The following FAAH2 variants were observed in gnomAD, a reference collection of about 807,000 sequenced individuals.
FAAH2 encodes the protein fatty acid amide hydrolase 2, also known as fatty-acid amide hydrolase 2.
FAAH2 carries 60 observed loss-of-function variants against 36.9 expected under a neutral mutation model. That is an observed-to-expected ratio of 1.63 (90% CI 1.32 to 2.02). The LOEUF (loss-of-function observed/expected upper bound fraction) is 2.02. Among genes scored for constraint, FAAH2 ranks in the 30% most tolerant of loss-of-function variants. The pLI, the probability that FAAH2 is intolerant of heterozygous loss-of-function variation, is 0.00. For synonymous variants in FAAH2, 214 were observed against 143.8 expected, an observed-to-expected ratio of 1.49 and a Z score of -3.49; for missense variants, 689 against 397.5, an observed-to-expected ratio of 1.73 and a Z score of -6.23.
chrX:57,343,682 A>G (rs2053747474), intron 5 of FAAH2, among the ~76,000 whole-genome samples: 2 of 111,508 alleles, frequency 1.8e-5, no homozygotes, highest in African/African-American at 6.5e-5. Context: ...GCCATAAATT[A>G]TTTGCTAGTC....
chrX:57,132,984 G>A, the FAAH2 span, among the ~76,000 whole-genome samples: 129 of 111,630 alleles, frequency 1.2e-3, no homozygotes, highest in Non-Finnish European at 2.1e-3. Flanking sequence ...AGCACATGCT[G>A]TCCCTCCATC....
chrX:57,187,182 T>G, the FAAH2 span, among the ~76,000 whole-genome samples: 1 of 112,082 alleles, frequency 8.9e-6, no homozygotes, highest in Admixed American at 9.5e-5. Context: ...CAATATTGAT[T>G]GTTTCTATCC....
the FAAH2 span, among the ~76,000 whole-genome samples, chrX:57,217,049 G>A: frequency 2.7e-5 from 3 of 111,048 alleles, no homozygotes; most frequent in South Asian, 1.1e-3. Flanking sequence ...ATTTTTTCAT[G>A]TGTTTGTTGG....
the FAAH2 span, among the ~76,000 whole-genome samples, chrX:57,168,196 A>T: frequency 1.5e-4 from 17 of 111,089 alleles, no homozygotes; most frequent in East Asian, 4.8e-3. Context: ...CACTTACAAG[A>T]TGCTCCAGTC....
chrX:57,291,702 G>A (rs1412160089), intron 1 of FAAH2, among the ~76,000 whole-genome samples: 1 of 109,326 alleles, frequency 9.1e-6, no homozygotes, highest in South Asian at 3.9e-4. Flanking sequence ...ATTACTTGGG[G>A]GTTCTGTTTT....
the FAAH2 span, among the ~76,000 whole-genome samples, chrX:57,267,495 C>A: frequency 8.9e-6 from 1 of 112,876 alleles, no homozygotes; most frequent in East Asian, 2.8e-4. Context: ...ATCTCCACTG[C>A]AACAGTGCAC....
At chrX:57,364,642 G>A (rs757405247) in intron 5 of FAAH2, among the ~76,000 whole-genome samples, 1 of 109,650 alleles carries the variant, frequency 9.1e-6, no homozygotes, top group South Asian at 4.0e-4. Context: ...CAGGTGTAAT[G>A]TTAGGGTATT....
the FAAH2 span, among the ~76,000 whole-genome samples, chrX:57,179,323 G>C: frequency 1.8e-5 from 2 of 111,867 alleles, no homozygotes; most frequent in Non-Finnish European, 3.8e-5. Flanking sequence ...AAGGCACAGA[G>C]TGGCACATTG....
At chrX:57,130,342 C>G in the FAAH2 span, among the ~76,000 whole-genome samples, 2 of 111,960 alleles carry the variant, frequency 1.8e-5, no homozygotes, top group Admixed American at 9.5e-5. Context: ...TTCCAACAGT[C>G]AAATTTATTG....
the FAAH2 span, among the ~76,000 whole-genome samples, chrX:57,269,902 C>CA: frequency 1.1e-4 from 12 of 109,203 alleles, no homozygotes; most frequent in Admixed American, 7.8e-4. Flanking sequence ...GATAAAGGCA[C>CA]AAAAAAACAT....
intron 7 of FAAH2, among the ~76,000 whole-genome samples, chrX:57,405,305 A>T (rs1443517557): frequency 9.0e-6 from 1 of 111,127 alleles, no homozygotes; most frequent in African/African-American, 3.3e-5. Flanking sequence ...GGCCTCACAG[A>T]TTCCAAGGAA....
chrX:57,399,303 A>G (rs1021461939), intron 7 of FAAH2, among the ~76,000 whole-genome samples: 13 of 111,780 alleles, frequency 1.2e-4, no homozygotes, highest in African/African-American at 4.2e-4. Context: ...TGGTCCAGTA[A>G]ATAATAATTT....
the FAAH2 span, among the ~76,000 whole-genome samples, chrX:57,204,886 C>A: frequency 6.2e-5 from 7 of 112,150 alleles, no homozygotes; most frequent in Non-Finnish European, 9.4e-5. Flanking sequence ...ATATGGGATG[C>A]TAGTAACGTG....
chrX:57,428,152 C>T (rs2056207429), intron 7 of FAAH2, among the ~76,000 whole-genome samples: 1 of 111,518 alleles, frequency 9.0e-6, no homozygotes, highest in African/African-American at 3.3e-5. Context: ...TTTACAATAG[C>T]TGTAAAAATA....
the FAAH2 span, among the ~76,000 whole-genome samples, chrX:57,191,492 G>T: frequency 9.0e-6 from 1 of 110,741 alleles, no homozygotes; most frequent in Non-Finnish European, 1.9e-5. Context: ...TTTTTAACTT[G>T]ATGTGATCCC....
chrX:57,224,534 TCAGCAGTGTGCAC>T, the FAAH2 span, among the ~76,000 whole-genome samples: 1 of 111,309 alleles, frequency 9.0e-6, no homozygotes, highest in Non-Finnish European at 1.9e-5. Context: ...GCCACTTGTG[TCAGCAGTGTGCAC>T]CAGCAGCGTG....
the FAAH2 span, among the ~76,000 whole-genome samples, chrX:57,222,954 G>A: frequency 1.8e-5 from 2 of 111,356 alleles, no homozygotes; most frequent in African/African-American, 6.6e-5. Context: ...ATCTGCTCTT[G>A]CTAAGCACCA....
chrX:57,437,362 C>A (rs2056430905), intron 8 of FAAH2, among the ~76,000 whole-genome samples: 1 of 110,440 alleles, frequency 9.1e-6, no homozygotes, highest in South Asian at 3.8e-4. Context: ...CAACACAGTA[C>A]TGAAAGTCCT....
chrX:57,357,523 A>G (rs1361226939), intron 5 of FAAH2, among the ~76,000 whole-genome samples: 1 of 112,084 alleles, frequency 8.9e-6, no homozygotes, highest in Non-Finnish European at 1.9e-5. Flanking sequence ...AAAGTGGGCA[A>G]AGGATATGAA....
Sources: allele counts gnomAD v4.1 joint callset (sites outside exome capture counted in the v4.1 genomes callset), GRCh38; gene constraint gnomAD v4.1.1; transcripts MANE v1.5; gene names NCBI Gene and HGNC (gene_info 2026-07-23, HGNC 2026-07-21).